Variants in LTF observed in about 807,000 individuals in gnomAD.
The protein encoded by LTF is lactotransferrin.
LTF carries 91 observed loss-of-function variants against 87.2 expected under a neutral mutation model. The ratio of observed to expected loss-of-function variants is 1.04; its 90% CI spans 0.88 to 1.24. The LOEUF (loss-of-function observed/expected upper bound fraction) is 1.24, where lower values mean the gene tolerates loss of function less well. Among genes scored for constraint, LTF ranks in the 50% most tolerant of loss-of-function variants. LTF has a pLI of 0.00. For missense variants in LTF, 901 were observed against 904.3 expected (o/e 1.00, Z 0.05); for synonymous variants, 378 against 356.1 (o/e 1.06, Z -0.69).
Position 46,450,557 on chromosome 3 carries a change from C to A in LTF, c.820G>T (p.Val274Phe). ...CHLARVPSHA[V>F]VARSVNGKED... ...TTGCCATTCACACTTCGTGCCACAA[C>A]GGCATGAGAAGGGACCCGGGCCAGA... The change falls in exon 7 of 17, where the codon GTT becomes TTT. Residue 274 changes from valine to phenylalanine, a missense_variant. By Grantham distance (50) the Val-to-Phe change is conservative. Coordinates refer to ENST00000231751, the MANE Select transcript of LTF (RefSeq NM_002343.6). The A allele has an allele frequency of 6.2e-7, 1 of 1,614,108 alleles. No homozygotes were observed. Among genetic ancestry groups the A allele is most frequent in the Non-Finnish European group, 8.5e-7 (1 of 1,180,032 alleles).
intron 5 of LTF, 56 bp from the exon 6 acceptor site, chr3:46,454,416 C>T: frequency 7.0e-7 from 1 of 1,432,878 alleles, no homozygotes; most frequent in Non-Finnish European, 9.9e-7. Flanking sequence ...CAGCCCCTCC[C>T]TGTGGAACAG....
chr3:46,482,755 G>A (rs1559615040), intron 1 of LTF, among the ~76,000 whole-genome samples: 2 of 134,542 alleles, frequency 1.5e-5, no homozygotes, highest in Non-Finnish European at 3.2e-5. Flanking sequence ...AGGAAAGAAG[G>A]AAAGAGAAAG....
intron 8 of LTF, among the ~76,000 whole-genome samples, chr3:46,449,509 C>T (rs1316174389): frequency 6.6e-6 from 1 of 152,190 alleles, no homozygotes; most frequent in Non-Finnish European, 1.5e-5. Context: ...GTGTCCCCAA[C>T]TAAGTTCAAG....
intron 1 of LTF, among the ~76,000 whole-genome samples, chr3:46,462,005 C>A (rs954324293): frequency 1.3e-5 from 2 of 152,152 alleles, no homozygotes; most frequent in Non-Finnish European, 2.9e-5. Context: ...GCTGAGTCTG[C>A]AGAGGTTTGG....
chr3:46,452,090 A>C (rs1702816602), intron 6 of LTF, among the ~76,000 whole-genome samples: 2 of 152,204 alleles, frequency 1.3e-5, no homozygotes, highest in African/African-American at 4.8e-5. Flanking sequence ...AAAAAGACAC[A>C]CTCTTATTTA....
In LTF at chr3:46,435,785, G is replaced by A. The variant is rs578083867; in HGVS notation, c.*410C>T. 122 of 244,776 alleles carry A rather than the reference G, an allele frequency of 5.0e-4. 2 individuals carry two copies. The South Asian group carries it at 5.8e-3, about 12-fold the overall frequency. The allele number at this position is 244,776 out of a possible 1,614,324, so 15.2% of individuals were successfully genotyped here. ...CACACTCCCAGGCACATACATGCACGTGCACTGAGACAGCTATGTGAATAA... is the reference window on the plus strand; with the variant it reads ...CACACTCCCAGGCACATACATGCACATGCACTGAGACAGCTATGTGAATAA... On this transcript the variant is annotated 3_prime_UTR_variant, in exon 17 of 17. Coordinates refer to ENST00000231751, the MANE Select transcript of LTF (RefSeq NM_002343.6).
At chr3:46,443,343 G>A in intron 13 of LTF, 98 bp downstream of exon 13, 2 of 1,435,162 alleles carry the variant, frequency 1.4e-6, no homozygotes, top group South Asian at 1.2e-5. Context: ...CCCCCACTCT[G>A]CTGTGACAGG....
At chr3:46,463,593 C>T (rs1703139894) in intron 1 of LTF, 6 of 985,550 alleles carry the variant, frequency 6.1e-6, no homozygotes, top group Non-Finnish European at 7.2e-6. Flanking sequence ...AAACTTCAGA[C>T]CTCAGTAGGC....
chr3:46,446,362 T>G, intron 11 of LTF, 78 bp downstream of exon 11: 1 of 1,241,530 alleles, frequency 8.1e-7, no homozygotes. Flanking sequence ...CTTTCTGTTT[T>G]TTTTACAGTT....
rs547975162 is a variant in LTF, at chr3:46,457,923, G to A, written c.208-1525C>T. 1.3e-4 allele frequency among the ~76,000 whole-genome samples: 20 copies of A among 150,500 alleles called. No homozygotes were observed. The East Asian group carries it at 2.2e-3, about 16-fold the overall frequency. On this transcript the variant is annotated intron_variant, in intron 2 of 16. Coordinates refer to ENST00000231751, the MANE Select transcript of LTF (RefSeq NM_002343.6). ...CTCCTGAGTAGCTGGGACTACAGGC[G>A]TGTGCCACCATGCCTGGCTAATTTT...
At chr3:46,479,295 G>T (rs1327293448) in intron 1 of LTF, among the ~76,000 whole-genome samples, 2 of 152,214 alleles carry the variant, frequency 1.3e-5, no homozygotes, top group African/African-American at 4.8e-5. Flanking sequence ...CCACAAAGTG[G>T]GTTTGGCCGG....
chr3:46,479,941 G>T (rs571062225), intron 1 of LTF, among the ~76,000 whole-genome samples: 137 of 152,342 alleles, frequency 9.0e-4, no homozygotes, highest in Non-Finnish European at 1.6e-3. Context: ...GGGATGTGGG[G>T]TGTGAAGGAG....
chr3:46,443,604 A>G (rs768693920), intron 12 of LTF, 22 bp from the exon 13 acceptor site: 1 of 1,613,526 alleles, frequency 6.2e-7, no homozygotes. Context: ...GAACACGGGG[A>G]GTCAGCTCTT....
Position 46,455,963 on chromosome 3 carries a change from T to A in LTF, c.332A>T (p.Tyr111Phe). ...YGTERQPRTH[Y>F]YAVAVVKKGG... is the part of the protein sequence containing the mutation. Reference sequence around the variant, plus strand: ...CTTCTTCACCACAGCCACGGCATAATAGTGAGTTCGTGGCTCTGCAAAGGG... The same window carrying A: ...CTTCTTCACCACAGCCACGGCATAAAAGTGAGTTCGTGGCTCTGCAAAGGG... Residue 111 changes from tyrosine to phenylalanine, a missense_variant, in exon 4 of 17, where the codon TAT becomes TTT. By Grantham distance (22) the Tyr-to-Phe change is conservative. Coordinates refer to ENST00000231751, the MANE Select transcript of LTF (RefSeq NM_002343.6). 1 of 1,596,032 alleles carries A rather than the reference T, an allele frequency of 6.3e-7. No individual in the cohort carries two copies. Among genetic ancestry groups the A allele is most frequent in the South Asian group, 1.1e-5 (1 of 88,192 alleles).
At chr3:46,467,626 T>C (rs2106913348), upstream of LTF, among the ~76,000 whole-genome samples, 1 of 146,372 alleles carries the variant, frequency 6.8e-6, no homozygotes, top group African/African-American at 2.5e-5. Context: ...GAATTCTTTT[T>C]TTCTTTTCTT....
At chr3:46,462,056 C>T (rs1703095501) in intron 1 of LTF, among the ~76,000 whole-genome samples, 2 of 152,188 alleles carry the variant, frequency 1.3e-5, no homozygotes, top group Admixed American at 1.3e-4. Flanking sequence ...CCACCCTCAT[C>T]CCGGGGAAAT....
intron 11 of LTF, among the ~76,000 whole-genome samples, chr3:46,446,083 C>T (rs1575310244): frequency 6.6e-6 from 1 of 152,122 alleles, no homozygotes. Context: ...GACCCGGGGT[C>T]AAGACCAGGA....
intron 1 of LTF, among the ~76,000 whole-genome samples, chr3:46,476,848 T>C (rs1703365632): frequency 6.6e-6 from 1 of 152,234 alleles, no homozygotes; most frequent in Admixed American, 6.5e-5. Flanking sequence ...GATTCTCCAA[T>C]GTTGTTCCAT....
chr3:46,441,578 T>C, intron 13 of LTF, 95 bp from the exon 14 acceptor site: 1 of 887,844 alleles, frequency 1.1e-6, no homozygotes, highest in Non-Finnish European at 1.8e-6. Context: ...AACTGAAATA[T>C]GGAAGTAAAC....
Sources: gnomAD v4.1 joint callset for allele counts (sites outside exome capture counted in the v4.1 genomes callset) on GRCh38, gnomAD v4.1.1 for gene constraint, MANE v1.5 for transcripts, NCBI Gene and HGNC (gene_info 2026-07-23, HGNC 2026-07-21) for gene names.